Variants in RADIL observed in about 807,000 individuals in gnomAD.
RADIL encodes the protein Rap associating with DIL domain.
In RADIL, 99 loss-of-function variants were observed where a neutral mutation model predicts 97.6. The observed-to-expected ratio is 1.01, with a 90% confidence interval of 0.86 to 1.20. The LOEUF is 1.20. Among genes scored for constraint, RADIL ranks in the 50% most tolerant of loss-of-function variants. RADIL has a pLI of 0.00. For missense variants in RADIL, 1,765 were observed against 1,498.9 expected (o/e 1.18, Z -2.93); for synonymous variants, 803 against 691.8 (o/e 1.16, Z -2.52).
intron 2 of RADIL, chr7:4,861,760 CGGCG>C: frequency 6.7e-7 from 1 of 1,485,230 alleles, no homozygotes; most frequent in Non-Finnish European, 8.9e-7. Context: ...AGCGATTCGG[CGGCG>C]GCGCCGGCTG....
intron 2 of RADIL, among the ~76,000 whole-genome samples, chr7:4,855,752 A>G (rs2115026161): frequency 6.8e-6 from 1 of 147,988 alleles, no homozygotes; most frequent in South Asian, 2.2e-4. Context: ...TGAAGTGCTT[A>G]TGCGCTTCTT....
chr7:4,861,393 G>A (rs1783990114), intron 2 of RADIL: 3 of 1,614,048 alleles, frequency 1.9e-6, no homozygotes, highest in South Asian at 2.2e-5. Flanking sequence ...TCCTCCTGTA[G>A]TTTCAGTTTA....
Position 4,801,703 on chromosome 7 carries a change from G to A in RADIL, c.2792C>T (p.Pro931Leu), listed in dbSNP as rs1289792880. The A allele has an allele frequency of 1.9e-6, 3 of 1,609,672 alleles. No homozygotes were observed. Among genetic ancestry groups the A allele is most frequent in the Non-Finnish European group, 2.5e-6 (3 of 1,178,844 alleles). The change falls in exon 12 of 15, where the codon CCA (proline) becomes CTA (leucine). Residue 931 changes from proline to leucine, a missense_variant. Pro to Leu is a moderately conservative substitution (Grantham distance 98). Coordinates refer to ENST00000399583, the MANE Select transcript of RADIL (RefSeq NM_018059.5). ...ESGGPCGKALPERQRNGLSGL... is the reference protein window; with the variant it reads ...ESGGPCGKALLERQRNGLSGL... ...GCTGAGTCCGTTCCTCTGCCTCTCT[G>A]GGAGCGCTTTTCCACAGGGGCCGCC...
At chr7:4,865,736 G>C in intron 2 of RADIL, 1 of 1,074,170 alleles carries the variant, frequency 9.3e-7, no homozygotes, top group South Asian at 1.2e-5. Flanking sequence ...GTGCAATCAA[G>C]AGTGAACTTC....
intron 12 of RADIL, 108 bp from the exon 13 acceptor site, chr7:4,800,418 C>T (rs565302679): frequency 5.1e-6 from 6 of 1,178,492 alleles, no homozygotes; most frequent in South Asian, 1.7e-5. Context: ...GATGGGATGG[C>T]CTCCTGTGGC....
intron 7 of RADIL, among the ~76,000 whole-genome samples, chr7:4,816,829 C>T (rs934415946): frequency 4.6e-5 from 7 of 152,154 alleles, no homozygotes; most frequent in Admixed American, 4.6e-4. Flanking sequence ...GCTCACCGCA[C>T]CCCCGATGCA....
chr7:4,830,331 C>T (rs1011206502), intron 5 of RADIL, among the ~76,000 whole-genome samples: 1 of 152,138 alleles, frequency 6.6e-6, no homozygotes, highest in South Asian at 2.1e-4. Flanking sequence ...AGGGCCCACT[C>T]GAGAGTGGGA....
intron 9 of RADIL, among the ~76,000 whole-genome samples, chr7:4,810,778 T>C (rs1291479101): frequency 6.6e-6 from 1 of 152,218 alleles, no homozygotes; most frequent in African/African-American, 2.4e-5. Context: ...TTCAAACCAC[T>C]GCACCTGCTC....
In RADIL at chr7:4,815,185, G is replaced by A. The variant is rs976598269; in HGVS notation, c.2139+93C>T. Reference sequence around the variant, plus strand: ...TTGAGGTTTCCAGCCAAGAAGCCCCGTCCCGGCCCCCAGGCTTGGTTTGTG... The same window carrying A: ...TTGAGGTTTCCAGCCAAGAAGCCCCATCCCGGCCCCCAGGCTTGGTTTGTG... On this transcript the variant is annotated intron_variant, in intron 9 of 14. Transcript: ENST00000399583. The surrounding 1 kb of genome is among the most constrained non-coding windows in gnomAD (Gnocchi z 8.0). 162 of 1,400,980 alleles carry A rather than the reference G, an allele frequency of 1.2e-4. No homozygotes were observed. The highest frequency in any genetic ancestry group is 2.6e-4 in the Middle Eastern group (1 of 3,854). The allele number at this position is 1,400,980 out of a possible 1,614,324, so 86.8% of individuals were successfully genotyped here. A position where few individuals can be genotyped will look rare whatever the true frequency, so the allele number is the denominator to read the frequency against.
At chr7:4,844,523 A>G (rs991074541) in intron 2 of RADIL, among the ~76,000 whole-genome samples, 2 of 152,258 alleles carry the variant, frequency 1.3e-5, no homozygotes, top group African/African-American at 4.8e-5. Context: ...AGGAAATGCA[A>G]AAGAATCTAT....
chr7:4,809,180 C>T (rs2115175854), intron 9 of RADIL: 2 of 985,292 alleles, frequency 2.0e-6, no homozygotes, highest in South Asian at 4.7e-5. Flanking sequence ...TGGCGCTGTC[C>T]CCCGCCTCCC....
intron 2 of RADIL, chr7:4,861,184 A>G: frequency 6.2e-7 from 1 of 1,614,142 alleles, no homozygotes; most frequent in East Asian, 2.2e-5. Flanking sequence ...GTAAAATTTC[A>G]TCGGTTACCC....
chr7:4,803,552 G>A lies in RADIL; in HGVS notation c.2493C>T (p.Cys831=). ...GGGCCCCCTCCCCGGGTACCTCGGG[G>A]CACACTGGCTGGGAGGCCCCACTGC... ...RPGSGASQPV[C]PEGMHHVVLD... Residue 831 remains cysteine, a synonymous_variant, in exon 11 of 15, where the codon TGC becomes TGT. Transcript: ENST00000399583. 6.5e-7 allele frequency: 1 copy of A among 1,540,616 alleles called. No homozygotes were observed. The highest frequency in any genetic ancestry group is 8.8e-7 in the Non-Finnish European group (1 of 1,141,054).
rs2115040841 is a variant in RADIL at position 4,867,197 on chromosome 7, C to T, written c.535+10408G>A. On this transcript the variant is annotated intron_variant, in intron 2 of 14. Coordinates refer to ENST00000399583, the MANE Select transcript of RADIL (RefSeq NM_018059.5). This position sits in a 1 kb window ranked among gnomAD's most constrained non-coding sequence, Gnocchi z 4.1. ...AGCAGAGCCTAAAGGTGTTGAGGGG[C>T]ACACAGGCACACGAGGCTTCTGAGG... Among the ~76,000 whole-genome samples, 1 of 152,220 alleles carries T rather than the reference C, an allele frequency of 6.6e-6. No individual in the cohort carries two copies. Among genetic ancestry groups the T allele is most frequent in the African/African-American group, 2.4e-5 (1 of 41,544 alleles).
intron 2 of RADIL, chr7:4,860,638 C>A (rs1393608962): frequency 6.2e-7 from 1 of 1,613,988 alleles, no homozygotes; most frequent in Non-Finnish European, 8.5e-7. Context: ...CCAAGCCCAC[C>A]CATTCTAAAT....
intron 5 of RADIL, among the ~76,000 whole-genome samples, chr7:4,827,579 T>G (rs1304988161): frequency 1.3e-5 from 2 of 152,096 alleles, no homozygotes. Flanking sequence ...GAGAATGGCG[T>G]GAACCCAGGA....
rs1431141088 is a variant in RADIL at position 4,822,338 on chromosome 7, C to CA, written c.1615+55dup. The CA allele has an allele frequency of 1.9e-6, 3 of 1,546,638 alleles. No individual in the cohort carries two copies. The highest frequency in any genetic ancestry group is 2.6e-6 in the Non-Finnish European group (3 of 1,144,844). ...GGTTCCGAGGACGGCGAGGAGATGC[C>CA]ACACTCCCCTGCCTGGGGTGCTGGC... On this transcript the variant is annotated intron_variant, in intron 6 of 14. Transcript: ENST00000399583. This position sits in a 1 kb window ranked among gnomAD's most constrained non-coding sequence, Gnocchi z 5.3.
chr7:4,840,701 G>A lies in RADIL; in HGVS notation c.536-4096C>T, dbSNP rs889026712. ...CCACTATTTCTGGCCGGGCGCGGTGGCTCACGCCTGTAATCCCAGCACTTT... is the reference window on the plus strand; with the variant it reads ...CCACTATTTCTGGCCGGGCGCGGTGACTCACGCCTGTAATCCCAGCACTTT... On this transcript the variant is annotated intron_variant, in intron 2 of 14. Coordinates refer to ENST00000399583, the MANE Select transcript of RADIL (RefSeq NM_018059.5). The surrounding 1 kb of genome is among the most constrained non-coding windows in gnomAD (Gnocchi z 5.6). 6.6e-6 allele frequency among the ~76,000 whole-genome samples: 1 copy of A among 152,194 alleles called. No individual in the cohort carries two copies. Among genetic ancestry groups the A allele is most frequent in the Non-Finnish European group, 1.5e-5 (1 of 68,036 alleles).
At chr7:4,800,499 C>G (rs1404593029) in intron 12 of RADIL, among the ~76,000 whole-genome samples, 189 bp from the exon 13 acceptor site, 2 of 152,070 alleles carry the variant, frequency 1.3e-5, no homozygotes, top group African/African-American at 4.8e-5. Flanking sequence ...CGCCCATGGG[C>G]GACACCCCCA....
Sources: allele counts gnomAD v4.1 joint callset (sites outside exome capture counted in the v4.1 genomes callset), GRCh38; gene constraint gnomAD v4.1.1; non-coding constraint Gnocchi (gnomAD v3.1); transcripts MANE v1.5; gene names NCBI Gene and HGNC (gene_info 2026-07-23, HGNC 2026-07-21).